The following IL1RAPL1 variants were observed in gnomAD, a reference collection of about 807,000 sequenced individuals.
IL1RAPL1 encodes interleukin 1 receptor accessory protein like 1, also known as interleukin-1 receptor accessory protein-like 1.
A neutral mutation model predicts 48.4 loss-of-function variants in IL1RAPL1; 3 were observed. That is an observed-to-expected ratio of 0.06 (90% CI 0.03 to 0.16). IL1RAPL1 has a LOEUF of 0.16. Among genes scored for constraint, IL1RAPL1 ranks in the 10% least tolerant of loss-of-function variants. IL1RAPL1 has a pLI of 1.00. For synonymous variants in IL1RAPL1, 185 were observed against 187.7 expected, an observed-to-expected ratio of 0.99 and a Z score of 0.12; for missense variants, 349 against 530.6, an observed-to-expected ratio of 0.66 and a Z score of 3.36.
At chrX:29,864,296 G>A (rs757560663) in intron 6 of IL1RAPL1, among the ~76,000 whole-genome samples, 1 of 112,125 alleles carries the variant, frequency 8.9e-6, no homozygotes, top group African/African-American at 3.2e-5. Flanking sequence ...TGTTTTTTGT[G>A]TGATACCTCA....
At chrX:28,902,765 A>G (rs367782550) in intron 2 of IL1RAPL1, among the ~76,000 whole-genome samples, 1 of 111,629 alleles carries the variant, frequency 9.0e-6, no homozygotes, top group African/African-American at 3.3e-5. Context: ...TGGGACACAC[A>G]GCAGAGTTGT....
chrX:28,681,931 A>AT (rs764378947), intron 1 of IL1RAPL1, among the ~76,000 whole-genome samples: 6 of 111,769 alleles, frequency 5.4e-5, no homozygotes, highest in Non-Finnish European at 9.4e-5. Flanking sequence ...CAAGCCCCAC[A>AT]TGTATTAAAT....
intron 1 of IL1RAPL1, among the ~76,000 whole-genome samples, chrX:28,634,443 T>G (rs1047071624): frequency 2.7e-5 from 3 of 109,237 alleles, no homozygotes; most frequent in Admixed American, 1.0e-4. Flanking sequence ...ATACACGTAT[T>G]TATATATGTA....
intron 2 of IL1RAPL1, among the ~76,000 whole-genome samples, chrX:28,951,486 G>A (rs1265389555): frequency 9.2e-6 from 1 of 108,849 alleles, no homozygotes; most frequent in African/African-American, 3.3e-5. Flanking sequence ...TTACAATTTA[G>A]GGTTTTATTT....
intron 3 of IL1RAPL1, among the ~76,000 whole-genome samples, chrX:29,339,081 C>CACACAA (rs1375334977): frequency 8.6e-5 from 9 of 104,648 alleles, no homozygotes; most frequent in Non-Finnish European, 1.4e-4. Flanking sequence ...TAAATACACA[C>CACACAA]ACACACACAC....
intron 6 of IL1RAPL1, among the ~76,000 whole-genome samples, chrX:29,831,590 T>A (rs1475598474): frequency 8.9e-6 from 1 of 112,027 alleles, no homozygotes; most frequent in African/African-American, 3.2e-5. Context: ...TGGTTAAGAC[T>A]AAGCTTCAAA....
Position 29,915,922 on chromosome X carries a change from CCA to C in IL1RAPL1, c.779-1541_779-1540del, listed in dbSNP as rs1488498641. On this transcript the variant is annotated intron_variant, in intron 6 of 10. Coordinates refer to ENST00000378993, the MANE Select transcript of IL1RAPL1 (RefSeq NM_014271.4). ...CCCTCCCCCCACCCCACCACAGTCCCCAGAGTGTGATATTCCCCTTCCTGTGT... is the reference window on the plus strand; with the variant it reads ...CCCTCCCCCCACCCCACCACAGTCCCGAGTGTGATATTCCCCTTCCTGTGT... Among the ~76,000 whole-genome samples, 3 of 68,049 alleles carry C rather than the reference CCA, an allele frequency of 4.4e-5. No homozygotes were observed. The East Asian group carries it at 1.5e-3, about 34-fold the overall frequency. 59.1% of individuals were successfully genotyped at this position (68,049 alleles called of 115,157 possible).
intron 3 of IL1RAPL1, among the ~76,000 whole-genome samples, chrX:29,381,831 AAAATATATATATATATAT>A (rs1252086565): frequency 7.8e-5 from 2 of 25,783 alleles, no homozygotes; most frequent in African/African-American, 2.2e-4. Flanking sequence ...AAAAAAAAAA[AAAATATATATATATATAT>A]ATATATATAT....
intron 5 of IL1RAPL1, among the ~76,000 whole-genome samples, chrX:29,659,584 C>G (rs1200417485): frequency 1.8e-5 from 2 of 111,754 alleles, no homozygotes; most frequent in Admixed American, 1.9e-4. Context: ...GCATTTCTAG[C>G]TGGGCTGAAA....
intron 2 of IL1RAPL1, among the ~76,000 whole-genome samples, chrX:28,826,620 C>T (rs770457457): frequency 1.8e-5 from 2 of 111,225 alleles, no homozygotes; most frequent in Non-Finnish European, 3.8e-5. Context: ...GATTCTCTGG[C>T]ACCTAATAGA....
intron 1 of IL1RAPL1, among the ~76,000 whole-genome samples, chrX:28,641,844 T>C (rs1286043843): frequency 5.4e-5 from 6 of 111,650 alleles, no homozygotes; most frequent in Non-Finnish European, 1.1e-4. Context: ...TTTTTTCATA[T>C]GCTTATTGGC....
chrX:28,615,218 T>G (rs1190504671), intron 1 of IL1RAPL1, among the ~76,000 whole-genome samples: 1 of 93,091 alleles, frequency 1.1e-5, no homozygotes, highest in Non-Finnish European at 2.1e-5. Context: ...TTTTTTTTTT[T>G]TTTTTTTTTT....
At chrX:29,246,924 G>T (rs1931524415) in intron 2 of IL1RAPL1, among the ~76,000 whole-genome samples, 1 of 111,474 alleles carries the variant, frequency 9.0e-6, no homozygotes, top group South Asian at 3.7e-4. Flanking sequence ...GCAAGCAGTA[G>T]ACATATACTT....
chrX:29,738,660 G>T (rs373067311), intron 6 of IL1RAPL1, among the ~76,000 whole-genome samples: 13 of 109,791 alleles, frequency 1.2e-4, no homozygotes, highest in Admixed American at 7.8e-4. Flanking sequence ...GGCTGGTCTC[G>T]AACTCCTGGG....
At chrX:29,722,592 T>A (rs754939421) in intron 6 of IL1RAPL1, among the ~76,000 whole-genome samples, 1 of 112,182 alleles carries the variant, frequency 8.9e-6, no homozygotes, top group Non-Finnish European at 1.9e-5. Flanking sequence ...ATGCTTGATA[T>A]GCTTCTAGAC....
chrX:29,246,930 T>TA (rs1372309696), intron 2 of IL1RAPL1, among the ~76,000 whole-genome samples: 3 of 111,622 alleles, frequency 2.7e-5, no homozygotes, highest in African/African-American at 9.8e-5. Flanking sequence ...AGTAGACATA[T>TA]ACTTGAATTA....
At chrX:29,707,940 T>TAATAAAATAAAATAA (rs200789169) in intron 6 of IL1RAPL1, among the ~76,000 whole-genome samples, 1 of 107,918 alleles carries the variant, frequency 9.3e-6, no homozygotes, top group Admixed American at 1.0e-4. Context: ...CCTATTGAAA[T>TAATAAAATAAAATAA]AATAAAATAA....
chrX:29,865,897 G>A (rs1176431589), intron 6 of IL1RAPL1, among the ~76,000 whole-genome samples: 4 of 105,480 alleles, frequency 3.8e-5, no homozygotes, highest in East Asian at 3.0e-4. Context: ...TGATCCACCC[G>A]CCTCGGCCTC....
intron 5 of IL1RAPL1, among the ~76,000 whole-genome samples, chrX:29,480,573 T>C (rs960977510): frequency 3.0e-4 from 33 of 110,691 alleles, no homozygotes; most frequent in African/African-American, 1.1e-3. Context: ...TAATAATATA[T>C]GTAATGAAAG....
Sources: gnomAD v4.1 joint callset for allele counts (sites outside exome capture counted in the v4.1 genomes callset) on GRCh38, gnomAD v4.1.1 for gene constraint, MANE v1.5 for transcripts, NCBI Gene and HGNC (gene_info 2026-07-23, HGNC 2026-07-21) for gene names.